The following SPIDR variants were observed in gnomAD, a reference collection of about 807,000 sequenced individuals.
SPIDR encodes the protein scaffold protein involved in DNA repair.
Under a neutral mutation model 104.6 loss-of-function variants are expected in SPIDR, and 93 were observed. The observed-to-expected ratio is 0.89, with a 90% CI of 0.75 to 1.06. The LOEUF is 1.06. SPIDR is among the 50% of genes least tolerant of loss of function. The pLI is 0.00. For synonymous variants in SPIDR, 431 were observed against 416.9 expected (o/e 1.03, Z -0.41); for missense variants, 1,154 against 1,111.2 (o/e 1.04, Z -0.55).
chr8:47,484,713 A>C (rs1380246686), intron 8 of SPIDR, among the ~76,000 whole-genome samples: 1 of 152,240 alleles, frequency 6.6e-6, no homozygotes, highest in Non-Finnish European at 1.5e-5. Flanking sequence ...AATTGTTATA[A>C]AAGACATCAT....
intron 10 of SPIDR, among the ~76,000 whole-genome samples, chr8:47,645,592 A>G (rs1318960364): frequency 1.3e-5 from 2 of 152,252 alleles, no homozygotes; most frequent in East Asian, 3.8e-4. Context: ...GATAAATAAC[A>G]TCTAGCTATG....
intron 1 of SPIDR, among the ~76,000 whole-genome samples, chr8:47,279,082 A>G (rs2037193262): frequency 6.6e-6 from 1 of 150,836 alleles, no homozygotes; most frequent in Admixed American, 6.6e-5. Flanking sequence ...TTTTTTAGAA[A>G]TGGGGTCTTG....
At chr8:47,390,730 T>C (rs1045538192) in intron 5 of SPIDR, among the ~76,000 whole-genome samples, 3 of 152,146 alleles carry the variant, frequency 2.0e-5, no homozygotes, top group Admixed American at 6.5e-5. Context: ...ATCTGTATCT[T>C]AAAATATTTC....
At chr8:47,515,799 CA>C in intron 8 of SPIDR, among the ~76,000 whole-genome samples, 1 of 152,212 alleles carries the variant, frequency 6.6e-6, no homozygotes, top group Non-Finnish European at 1.5e-5. Flanking sequence ...TATACACATA[CA>C]GTCCATGAAA....
At chr8:47,273,072 A>G (rs1181816569) in intron 1 of SPIDR, among the ~76,000 whole-genome samples, 5 of 152,316 alleles carry the variant, frequency 3.3e-5, no homozygotes, top group African/African-American at 9.6e-5. Context: ...AGCATCCAGT[A>G]GACACCAAGT....
chr8:47,584,886 C>T (rs1433506345), intron 8 of SPIDR, among the ~76,000 whole-genome samples: 5 of 152,170 alleles, frequency 3.3e-5, no homozygotes, highest in Admixed American at 2.6e-4. Context: ...ACTCCATCTG[C>T]CCCTGCCCTT....
intron 11 of SPIDR, among the ~76,000 whole-genome samples, chr8:47,696,601 T>C (rs964915530): frequency 6.6e-6 from 1 of 152,204 alleles, no homozygotes; most frequent in Non-Finnish European, 1.5e-5. Flanking sequence ...TCAGCCAAGC[T>C]CACCTGTCAG....
chr8:47,562,537 C>A (rs1480127483), intron 8 of SPIDR, among the ~76,000 whole-genome samples: 1 of 152,300 alleles, frequency 6.6e-6, no homozygotes, highest in African/African-American at 2.4e-5. Flanking sequence ...ACACACAGGG[C>A]GCTCCACCTC....
At chr8:47,630,982 C>G (rs1345643776) in intron 10 of SPIDR, among the ~76,000 whole-genome samples, 10 of 152,090 alleles carry the variant, frequency 6.6e-5, no homozygotes, top group Non-Finnish European at 1.5e-5. Context: ...ACTGTGAGAA[C>G]AAGAACTCAA....
intron 8 of SPIDR, among the ~76,000 whole-genome samples, chr8:47,577,829 C>A (rs188036105): frequency 2.2e-4 from 33 of 152,268 alleles, no homozygotes; most frequent in African/African-American, 6.0e-4. Context: ...CCACCCCAGA[C>A]CTGCTGAATC....
At chr8:47,427,882 A>G (rs1554686217) in intron 7 of SPIDR, among the ~76,000 whole-genome samples, 2 of 152,066 alleles carry the variant, frequency 1.3e-5, no homozygotes, top group Non-Finnish European at 2.9e-5. Flanking sequence ...AGTGGCTGGG[A>G]GAAGAAGAAT....
intron 8 of SPIDR, among the ~76,000 whole-genome samples, chr8:47,484,662 A>C (rs1330369916): frequency 2.0e-5 from 3 of 152,204 alleles, no homozygotes; most frequent in Non-Finnish European, 4.4e-5. Flanking sequence ...AGGCATCAAA[A>C]AGCTGATACC....
At chr8:47,619,584 A>T (rs533891312) in intron 10 of SPIDR, among the ~76,000 whole-genome samples, 1 of 150,412 alleles carries the variant, frequency 6.6e-6, no homozygotes, top group Non-Finnish European at 1.5e-5. Flanking sequence ...CTTTTTCTAC[A>T]TGATACTCTG....
chr8:47,361,613 G>A (rs1401280238), intron 5 of SPIDR, among the ~76,000 whole-genome samples: 2 of 152,226 alleles, frequency 1.3e-5, no homozygotes, highest in African/African-American at 4.8e-5. Context: ...AGACGCTTCT[G>A]CCACCTCTGA....
intron 1 of SPIDR, among the ~76,000 whole-genome samples, chr8:47,276,049 T>C (rs1304439863): frequency 6.6e-6 from 1 of 152,126 alleles, no homozygotes; most frequent in Non-Finnish European, 1.5e-5. Context: ...TTTAGACAGA[T>C]GGAGTTTTGC....
At chr8:47,617,910 G>C (rs2064559185) in intron 10 of SPIDR, among the ~76,000 whole-genome samples, 1 of 152,188 alleles carries the variant, frequency 6.6e-6, no homozygotes, top group African/African-American at 2.4e-5. Flanking sequence ...TTCAGCTGCT[G>C]CTCAGTTCTT....
At chr8:47,294,061 C>T in intron 5 of SPIDR, 31 bp downstream of exon 5, 1 of 1,570,608 alleles carries the variant, frequency 6.4e-7, no homozygotes, top group South Asian at 1.2e-5. Flanking sequence ...AACTTTTATT[C>T]ACTTTATAAC....
intron 8 of SPIDR, among the ~76,000 whole-genome samples, chr8:47,533,601 G>A (rs2086389746): frequency 6.6e-6 from 1 of 152,050 alleles, no homozygotes. Context: ...AGTGAGTAAA[G>A]GACATGAATG....
intron 8 of SPIDR, chr8:47,592,371 AG>A (rs1370860667): frequency 1.2e-4 from 155 of 1,265,962 alleles, no homozygotes; most frequent in Non-Finnish European, 1.6e-4. Context: ...TGTCTACATT[AG>A]GATGATAAAT....
Sources: allele counts gnomAD v4.1 joint callset (sites outside exome capture counted in the v4.1 genomes callset), GRCh38; gene constraint gnomAD v4.1.1; transcripts MANE v1.5; gene names NCBI Gene and HGNC (gene_info 2026-07-23, HGNC 2026-07-21).